Variants in MYRIP observed in about 807,000 individuals in gnomAD.
MYRIP encodes the protein myosin VIIA and Rab interacting protein.
Under a neutral mutation model 98.0 loss-of-function variants are expected in MYRIP, and 49 were observed. That is an observed-to-expected ratio of 0.50 (90% CI 0.40 to 0.63). The LOEUF is 0.63. MYRIP is among the 30% of genes least tolerant of loss of function. The pLI is 0.00. For missense variants in MYRIP, 1,004 were observed against 1,058.2 expected (o/e 0.95, Z 0.71); for synonymous variants, 404 against 409.5 (o/e 0.99, Z 0.16).
chr3:39,996,140 C>A (rs1481905375), intron 2 of MYRIP, among the ~76,000 whole-genome samples: 1 of 152,170 alleles, frequency 6.6e-6, no homozygotes. Flanking sequence ...AGCAAAATAA[C>A]CAGCTAACAT....
chr3:40,169,878 G>T, intron 7 of MYRIP, 72 bp from the exon 8 acceptor site: 4 of 1,591,406 alleles, frequency 2.5e-6, no homozygotes, highest in Non-Finnish European at 3.4e-6. Context: ...TCCAAAGATG[G>T]TCCCAGTTAC....
intron 3 of MYRIP, among the ~76,000 whole-genome samples, chr3:40,081,017 C>T (rs1410761380): frequency 6.6e-6 from 1 of 151,968 alleles, no homozygotes; most frequent in Non-Finnish European, 1.5e-5. Context: ...TCTAAAAACA[C>T]ATTTTTAAAT....
At chr3:40,208,611 T>C (rs1056816508) in intron 10 of MYRIP, among the ~76,000 whole-genome samples, 4 of 152,230 alleles carry the variant, frequency 2.6e-5, no homozygotes, top group African/African-American at 9.6e-5. Flanking sequence ...TCCTTACATA[T>C]GTGCAAGGTC....
chr3:40,110,868 CA>C (rs1159927898), intron 3 of MYRIP, among the ~76,000 whole-genome samples: 5 of 147,776 alleles, frequency 3.4e-5, no homozygotes. Flanking sequence ...TGCTACTCTG[CA>C]GTTCATGAAG....
chr3:39,970,003 T>A (rs746296390), intron 2 of MYRIP: 1 of 152,172 alleles, frequency 6.6e-6, no homozygotes, highest in East Asian at 1.9e-4. Flanking sequence ...TGGAGCTTGT[T>A]GTTAAGTCTG....
intron 2 of MYRIP, among the ~76,000 whole-genome samples, chr3:39,908,312 T>C (rs1943934188): frequency 6.6e-6 from 1 of 152,104 alleles, no homozygotes; most frequent in African/African-American, 2.4e-5. Context: ...TTCTGGCCTG[T>C]GTTAAGGAAG....
intron 8 of MYRIP, among the ~76,000 whole-genome samples, chr3:40,170,888 G>A (rs368316394): frequency 1.5e-4 from 23 of 152,164 alleles, no homozygotes; most frequent in African/African-American, 5.3e-4. Flanking sequence ...TAGGGGTCTA[G>A]TGGCATTCAT....
chr3:39,979,931 G>C (rs1211132066), intron 2 of MYRIP, among the ~76,000 whole-genome samples: 1 of 152,220 alleles, frequency 6.6e-6, no homozygotes, highest in Admixed American at 6.5e-5. Flanking sequence ...AAATCATTCA[G>C]TGAATACTAG....
chr3:40,229,767 T>C (rs1952597346), intron 11 of MYRIP, among the ~76,000 whole-genome samples: 1 of 152,132 alleles, frequency 6.6e-6, no homozygotes, highest in African/African-American at 2.4e-5. Flanking sequence ...CATGGGGCTG[T>C]GACACAGACT....
chr3:39,921,400 A>C (rs565839130), intron 2 of MYRIP, among the ~76,000 whole-genome samples: 1 of 152,200 alleles, frequency 6.6e-6, no homozygotes, highest in East Asian at 1.9e-4. Context: ...CACTCCCCTA[A>C]CTGTTTTCAA....
intron 2 of MYRIP, among the ~76,000 whole-genome samples, chr3:39,931,292 A>G (rs4276124): frequency 0.37 from 56,240 of 151,606 alleles, 10,737 homozygotes; most frequent in East Asian, 0.45. Flanking sequence ...TTCTTTCAAT[A>G]ATATTGTAAA....
At chr3:40,194,031 C>T (rs2887962) in intron 10 of MYRIP, among the ~76,000 whole-genome samples, 139,875 of 152,188 alleles carry the variant, frequency 0.92, 64,344 homozygotes, top group Middle Eastern at 0.96. Context: ...CTCTTTTGCC[C>T]TAAGTATATT....
chr3:39,919,842 T>C (rs4676543), intron 2 of MYRIP, among the ~76,000 whole-genome samples: 56,388 of 151,896 alleles, frequency 0.37, 10,777 homozygotes, highest in East Asian at 0.46. Flanking sequence ...AGAGCTGGTA[T>C]TGAATGCCAG....
chr3:40,087,304 T>C (rs1443121136), intron 3 of MYRIP, among the ~76,000 whole-genome samples: 1 of 152,094 alleles, frequency 6.6e-6, no homozygotes, highest in East Asian at 1.9e-4. Context: ...TGAAATTCAG[T>C]GAGAGGCACA....
chr3:40,214,316 T>A (rs1329459676), intron 11 of MYRIP, among the ~76,000 whole-genome samples: 1 of 152,152 alleles, frequency 6.6e-6, no homozygotes, highest in Non-Finnish European at 1.5e-5. Context: ...CCCTGCTGTT[T>A]GGGAGCCAAA....
At chr3:40,252,634 C>T (rs1410201025) in intron 16 of MYRIP, among the ~76,000 whole-genome samples, 1 of 152,100 alleles carries the variant, frequency 6.6e-6, no homozygotes, top group East Asian at 1.9e-4. Context: ...CCAAGTCCCC[C>T]GAAACCAGAT....
chr3:40,029,037 T>C (rs1947198794), intron 2 of MYRIP, among the ~76,000 whole-genome samples: 1 of 152,188 alleles, frequency 6.6e-6, no homozygotes, highest in Non-Finnish European at 1.5e-5. Flanking sequence ...AGTTATCTTA[T>C]GGATAGAGTT....
rs112768518 is a variant in MYRIP, at chr3:39,831,189, T to G, written c.-31+21273T>G. ...TTGGACTGCCCCAGGACTCAGGCTT[T>G]AATCTTCTTTACCTGTTTATTTATC... On this transcript the variant is annotated intron_variant, in intron 1 of 16. Coordinates refer to ENST00000302541, the MANE Select transcript of MYRIP (RefSeq NM_015460.4). Among the ~76,000 whole-genome samples, 10 of 152,258 alleles carry G rather than the reference T, an allele frequency of 6.6e-5. 1 individual carries two copies. Among genetic ancestry groups the G allele is most frequent in the African/African-American group, 2.4e-4 (10 of 41,562 alleles).
intron 2 of MYRIP, among the ~76,000 whole-genome samples, chr3:39,998,549 A>C (rs1946429818): frequency 6.6e-6 from 1 of 152,226 alleles, no homozygotes; most frequent in African/African-American, 2.4e-5. Flanking sequence ...AAATGGAAGA[A>C]CATTCCATGC....
Sources: gnomAD v4.1 joint callset for allele counts (sites outside exome capture counted in the v4.1 genomes callset) on GRCh38, gnomAD v4.1.1 for gene constraint, MANE v1.5 for transcripts, NCBI Gene and HGNC (gene_info 2026-07-23, HGNC 2026-07-21) for gene names.